The following ADH7 variants were observed in gnomAD, a reference collection of about 807,000 sequenced individuals.
ADH7 encodes the protein alcohol dehydrogenase 7 (class IV), mu or sigma polypeptide.
ADH7 carries 41 observed loss-of-function variants against 34.4 expected under a neutral mutation model. That is an observed-to-expected ratio of 1.19 (90% CI 0.93 to 1.55). ADH7 has a LOEUF of 1.55. Among genes scored for constraint, ADH7 ranks in the 40% most tolerant of loss-of-function variants. ADH7 has a pLI of 0.00. For missense variants in ADH7, 540 were observed against 461.2 expected (o/e 1.17, Z -1.56); for synonymous variants, 180 against 160.9 (o/e 1.12, Z -0.90).
intron 5 of ADH7, among the ~76,000 whole-genome samples, chr4:99,422,633 T>TA (rs940763945): frequency 6.6e-6 from 1 of 151,872 alleles, no homozygotes; most frequent in Non-Finnish European, 1.5e-5. Context: ...ATAGAAGAAA[T>TA]AAAAAATCAT....
intron 1 of ADH7, among the ~76,000 whole-genome samples, chr4:99,432,330 G>A (rs1003403936): frequency 1.3e-5 from 2 of 152,090 alleles, no homozygotes; most frequent in Non-Finnish European, 2.9e-5. Context: ...GGAAGGTGGA[G>A]GGAGGGTAAG....
At chr4:99,424,798 A>G (rs1721760925) in intron 5 of ADH7, among the ~76,000 whole-genome samples, 1 of 152,062 alleles carries the variant, frequency 6.6e-6, no homozygotes, top group South Asian at 2.1e-4. Context: ...GGTTTTCTAG[A>G]TATACAATCA....
At chr4:99,422,711 A>G (rs1396375655) in intron 5 of ADH7, among the ~76,000 whole-genome samples, 1 of 152,016 alleles carries the variant, frequency 6.6e-6, no homozygotes, top group Admixed American at 6.6e-5. Flanking sequence ...TCAGAAGGAG[A>G]TGTGGAAGAA....
chr4:99,430,334 A>G (rs1721913189), intron 1 of ADH7: 1 of 152,242 alleles, frequency 6.6e-6, no homozygotes, highest in Admixed American at 6.5e-5. Context: ...GATACCAGTG[A>G]CTGGCATCCA....
intron 1 of ADH7, 159 bp downstream of exon 1, chr4:99,435,057 C>G (rs781502514): frequency 6.5e-7 from 1 of 1,545,082 alleles, no homozygotes; most frequent in Non-Finnish European, 8.7e-7. Flanking sequence ...TCTGAAACAC[C>G]ATATCCAGTG....
chr4:99,412,802 C>A lies in ADH7; in HGVS notation c.*346G>T. The stretch of plus-strand genomic sequence containing the variant: ...GAGATGCATTTACTATATCTTTATA[C>A]GCTATATCTGTTTTGAGTTATATAT... On this transcript the variant is annotated 3_prime_UTR_variant, in exon 9 of 9. Coordinates refer to ENST00000437033, the MANE Select transcript of ADH7 (RefSeq NM_000673.7). 2 of 208,092 alleles carry A rather than the reference C, an allele frequency of 9.6e-6. No individual in the cohort carries two copies. The highest frequency in any genetic ancestry group is 9.5e-6 in the Non-Finnish European group (1 of 105,262). The allele number at this position is 208,092 out of a possible 1,614,324, so 12.9% of individuals were successfully genotyped here.
In ADH7 at chr4:99,434,996, G is replaced by A. The variant is rs1722014581; in HGVS notation, c.18+220C>T. The A allele has an allele frequency of 2.1e-6, 3 of 1,429,956 alleles. No homozygotes were observed. In the South Asian group the frequency reaches 3.7e-5, roughly 17 times the overall value. The allele number at this position is 1,429,956 out of a possible 1,614,324, so 88.6% of individuals were successfully genotyped here. ...TTTCTCTATTTTCCACCAATGTCTTGCTGACATTGGATATACTATTTCCAA... is the reference window on the plus strand; with the variant it reads ...TTTCTCTATTTTCCACCAATGTCTTACTGACATTGGATATACTATTTCCAA... On this transcript the variant is annotated intron_variant, in intron 1 of 8. Coordinates refer to ENST00000437033, the MANE Select transcript of ADH7 (RefSeq NM_000673.7).
Position 99,434,983 on chromosome 4 carries a change from C to T in ADH7, c.18+233G>A, listed in dbSNP as rs1722014122. 2.1e-6 allele frequency: 3 copies of T among 1,411,174 alleles called. No homozygotes were observed. In the South Asian group the frequency reaches 3.7e-5, roughly 17 times the overall value. The allele number at this position is 1,411,174 out of a possible 1,614,324, so 87.4% of individuals were successfully genotyped here. On this transcript the variant is annotated intron_variant, in intron 1 of 8. Transcript: ENST00000437033. The stretch of plus-strand genomic sequence containing the variant: ...CAATATAAATCAATTTCTCTATTTT[C>T]CACCAATGTCTTGCTGACATTGGAT...
rs1126514 is a variant in ADH7, at chr4:99,429,625, T to C, written c.27A>G (p.Lys9=). 3 of 1,607,910 alleles carry C rather than the reference T, an allele frequency of 1.9e-6. No homozygotes were observed. The highest frequency in any genetic ancestry group is 3.3e-4 in the Middle Eastern group (2 of 6,052). Residue 9 remains lysine, a synonymous_variant, in exon 2 of 9, where the codon AAA becomes AAG. Transcript: ENST00000437033. ...GCTCCCAAAGCACAGCTGCTTTGCA[T>C]TTAATAACCTAAGAAATAGGCAAGT... The part of the protein sequence containing the change: MGTAGKVI[K]CKAAVLWEQK...
intron 7 of ADH7, among the ~76,000 whole-genome samples, chr4:99,417,621 A>G (rs1020486284): frequency 6.6e-6 from 1 of 152,124 alleles, no homozygotes; most frequent in Admixed American, 6.5e-5. Context: ...CAGTCTCTCT[A>G]TACCAAAGTG....
chr4:99,422,960 C>T (rs1299651500), intron 5 of ADH7, among the ~76,000 whole-genome samples: 1 of 145,568 alleles, frequency 6.9e-6, no homozygotes, highest in Non-Finnish European at 1.5e-5. Context: ...ATGTGCCATG[C>T]TGGTGTGCTG....
chr4:99,432,192 T>C (rs1154466), intron 1 of ADH7, among the ~76,000 whole-genome samples: 3,292 of 152,244 alleles, frequency 0.022, 79 homozygotes, highest in Non-Finnish European at 0.031. Context: ...GAGGCCATTA[T>C]CCTGAGCAAA....
intron 7 of ADH7, among the ~76,000 whole-genome samples, chr4:99,418,412 A>T (rs1346079759): frequency 6.6e-6 from 1 of 152,124 alleles, no homozygotes; most frequent in East Asian, 1.9e-4. Context: ...GGCACTAGAA[A>T]ACGAGACTTT....
At position 99,414,320 on chromosome 4, in the gene ADH7, TA is replaced by T. The variant is rs910429030; in HGVS notation, c.1101-1149del. Reference sequence around the variant, plus strand: ...ACACAACATTGAAAAATCTCTCAGGTAAAAAAAAAAATTAGTAAAAATTTGG... The same window carrying T: ...ACACAACATTGAAAAATCTCTCAGGTAAAAAAAAAATTAGTAAAAATTTGG... On this transcript the variant is annotated intron_variant, in intron 8 of 8. Transcript: ENST00000437033. 8.6e-4 allele frequency among the ~76,000 whole-genome samples: 127 copies of T among 147,628 alleles called. 1 individual carries two copies. Among genetic ancestry groups the T allele is most frequent in the South Asian group, 1.5e-3 (7 of 4,662 alleles).
At chr4:99,425,574 C>A (rs1368727518) in intron 5 of ADH7, among the ~76,000 whole-genome samples, 4 of 151,988 alleles carry the variant, frequency 2.6e-5, no homozygotes, top group Non-Finnish European at 4.4e-5. Flanking sequence ...CCCTGAGTGA[C>A]CTACAAAGAG....
At position 99,435,198 on chromosome 4, in the gene ADH7, C is replaced by T. The variant is rs891745700; in HGVS notation, c.18+18G>A. On this transcript the variant is annotated intron_variant, in intron 1 of 8. Transcript: ENST00000437033. ...TCATTAGGTCATGATGAGGAGGGGA[C>T]AGAAATGTTCCACTTACTTTTCCAG... 1 of 1,611,912 alleles carries T rather than the reference C, an allele frequency of 6.2e-7. No individual in the cohort carries two copies. Among genetic ancestry groups the T allele is most frequent in the African/African-American group, 1.3e-5 (1 of 74,884 alleles).
chr4:99,429,226 T>C (rs1447276563), intron 2 of ADH7, among the ~76,000 whole-genome samples: 3 of 152,222 alleles, frequency 2.0e-5, no homozygotes, highest in African/African-American at 7.2e-5. Context: ...TCCCAGAAGA[T>C]TTTAAAAGAA....
chr4:99,425,753 A>G (rs1380279636), intron 5 of ADH7, among the ~76,000 whole-genome samples: 2 of 152,208 alleles, frequency 1.3e-5, no homozygotes, highest in African/African-American at 4.8e-5. Context: ...TCAACAGAAT[A>G]TACATTTTTT....
At chr4:99,418,576 T>TTTG (rs1392204244) in intron 7 of ADH7, among the ~76,000 whole-genome samples, 2 of 152,096 alleles carry the variant, frequency 1.3e-5, no homozygotes, top group African/African-American at 2.4e-5. Context: ...GACAATCCCT[T>TTTG]TTGTTGTTGT....
Sources: allele counts gnomAD v4.1 joint callset (sites outside exome capture counted in the v4.1 genomes callset), GRCh38; gene constraint gnomAD v4.1.1; transcripts MANE v1.5; gene names NCBI Gene and HGNC (gene_info 2026-07-23, HGNC 2026-07-21).